PKP4: variants seen among roughly 807,000 people sequenced by gnomAD.
PKP4 encodes the protein plakophilin-4.
A neutral mutation model predicts 145.1 loss-of-function variants in PKP4; 90 were observed. The observed-to-expected ratio is 0.62, with a 90% CI of 0.52 to 0.74. PKP4 has a LOEUF of 0.74. Ranked by LOEUF, PKP4 falls within the 30% of genes least tolerant of loss-of-function variation. The probability of loss-of-function intolerance (pLI) is 0.00; values close to 1 mark genes in which losing one functional copy is unlikely to be tolerated. For synonymous variants in PKP4, 563 were observed against 577.2 expected, an observed-to-expected ratio of 0.98 and a Z score of 0.35; for missense variants, 1,340 against 1,482.7, an observed-to-expected ratio of 0.90 and a Z score of 1.58.
intron 9 of PKP4, among the ~76,000 whole-genome samples, chr2:158,638,717 A>G (rs1254121499): frequency 6.6e-6 from 1 of 152,194 alleles, no homozygotes; most frequent in African/African-American, 2.4e-5. Context: ...CAAAATGGAG[A>G]AAATGAATGG....
intron 4 of PKP4, among the ~76,000 whole-genome samples, chr2:158,616,496 G>GT (rs1333123559): frequency 0.021 from 3 of 142 alleles, no homozygotes; most frequent in Non-Finnish European, 0.056. Context: ...TCCACAAAAT[G>GT]TTGCCCTCTG....
Position 158,658,313 on chromosome 2 carries a change from A to G in PKP4, c.2092A>G (p.Arg698Gly). Reference protein sequence around the residue: ...LVLRNTTGCLRNLSSAGEEAR... With the variant: ...LVLRNTTGCLGNLSSAGEEAR... The stretch of plus-strand genomic sequence containing the variant: ...TCTGCGTAACACGACAGGTTGCCTA[A>G]GGTAAATTCTTTATTTCTTCTTTCC... Residue 698 changes from arginine to glycine, a missense_variant and splice_region_variant, in exon 12 of 22, where the codon AGG becomes GGG. By Grantham distance (125) the Arg-to-Gly change is moderately radical (BLOSUM62 -2). Transcript: ENST00000389759. The G allele has an allele frequency of 1.3e-6, 2 of 1,567,680 alleles. No homozygotes were observed. Among genetic ancestry groups the G allele is most frequent in the Non-Finnish European group, 1.7e-6 (2 of 1,149,906 alleles).
chr2:158,603,388 C>T (rs1243050182), intron 4 of PKP4, among the ~76,000 whole-genome samples: 1 of 152,098 alleles, frequency 6.6e-6, no homozygotes, highest in East Asian at 1.9e-4. Context: ...ACAGGGCTGA[C>T]TTCAAAAAAA....
chr2:158,568,786 C>G (rs2047197035), intron 2 of PKP4, among the ~76,000 whole-genome samples: 1 of 152,070 alleles, frequency 6.6e-6, no homozygotes, highest in South Asian at 2.1e-4. Context: ...CCAGCCTGGC[C>G]AACATAGTGA....
chr2:158,523,607 C>G (rs2042647270), intron 1 of PKP4, among the ~76,000 whole-genome samples: 1 of 123,806 alleles, frequency 8.1e-6, no homozygotes, highest in Non-Finnish European at 1.7e-5. Flanking sequence ...AGTTCCTCAC[C>G]AGCAACAGAA....
chr2:158,647,709 A>G (rs1488452528), intron 11 of PKP4, among the ~76,000 whole-genome samples: 1 of 152,196 alleles, frequency 6.6e-6, no homozygotes, highest in Admixed American at 6.5e-5. Flanking sequence ...AAACCTAATG[A>G]GCTTTTCTTT....
intron 1 of PKP4, among the ~76,000 whole-genome samples, chr2:158,523,765 A>G (rs900596297): frequency 5.2e-5 from 6 of 115,534 alleles, no homozygotes; most frequent in Admixed American, 2.9e-4. Context: ...AACTAGAATA[A>G]CCAATACAGA....
At chr2:158,506,068 T>G (rs748518764) in intron 1 of PKP4, among the ~76,000 whole-genome samples, 3 of 152,230 alleles carry the variant, frequency 2.0e-5, no homozygotes, top group Admixed American at 6.5e-5. Context: ...TGTGTAAATA[T>G]GAAGAAAGTA....
At chr2:158,477,919 T>C (rs1361961462) in intron 1 of PKP4, among the ~76,000 whole-genome samples, 1 of 152,192 alleles carries the variant, frequency 6.6e-6, no homozygotes, top group Admixed American at 6.5e-5. Flanking sequence ...TTCTGAGGTA[T>C]GCCAATAAAT....
Position 158,677,095 on chromosome 2 carries a change from T to TG in PKP4, c.3256+231dup, listed in dbSNP as rs2058078149. 5.6e-6 allele frequency: 3 copies of TG among 533,528 alleles called. No homozygotes were observed. In the Admixed American group the frequency reaches 8.1e-5, roughly 14 times the overall value. 33.0% of individuals were successfully genotyped at this position (533,528 alleles called of 1,614,324 possible). Reference sequence around the variant, plus strand: ...TGTATGTATGTATGTAGTTGTACGGTGGGCACAAATAAAAAGAGGGCTGTA... The same window carrying TG: ...TGTATGTATGTATGTAGTTGTACGGTGGGGCACAAATAAAAAGAGGGCTGTA... On this transcript the variant is annotated intron_variant, in intron 20 of 21. Transcript: ENST00000389759.
At chr2:158,526,710 C>G in intron 1 of PKP4, among the ~76,000 whole-genome samples, 2 of 85,470 alleles carry the variant, frequency 2.3e-5, no homozygotes, top group East Asian at 3.4e-4. Context: ...TGTTTGCAGA[C>G]GACATGATTG....
intron 4 of PKP4, among the ~76,000 whole-genome samples, chr2:158,613,649 T>A (rs1349298382): frequency 6.6e-6 from 1 of 152,138 alleles, no homozygotes; most frequent in Non-Finnish European, 1.5e-5. Flanking sequence ...ACCATCGCAT[T>A]AGGAGACAGA....
At chr2:158,641,002 T>C (rs2054233017) in intron 10 of PKP4, among the ~76,000 whole-genome samples, 1 of 152,208 alleles carries the variant, frequency 6.6e-6, no homozygotes. Flanking sequence ...ATTAGCTTAT[T>C]TATAAAACCA....
chr2:158,568,825 T>A lies in PKP4; in HGVS notation c.133-8446T>A, dbSNP rs1264236440. On this transcript the variant is annotated intron_variant, in intron 2 of 21. Coordinates refer to ENST00000389759, the MANE Select transcript of PKP4 (RefSeq NM_003628.6). ...CCCATCTCTACTAAAAATAAAAAATTAGCCAGGCTTGGTGGCACATACCTG... is the reference window on the plus strand; with the variant it reads ...CCCATCTCTACTAAAAATAAAAAATAAGCCAGGCTTGGTGGCACATACCTG... Among the ~76,000 whole-genome samples, 5 of 152,202 alleles carry A rather than the reference T, an allele frequency of 3.3e-5. No homozygotes were observed. The South Asian group carries it at 1.0e-3, about 32-fold the overall frequency.
chr2:158,613,388 A>G (rs1358668054), intron 4 of PKP4, among the ~76,000 whole-genome samples: 1 of 152,244 alleles, frequency 6.6e-6, no homozygotes, highest in Non-Finnish European at 1.5e-5. Context: ...CAAAATTAGA[A>G]AAATCACTAG....
chr2:158,637,509 CT>C (rs2053907743), intron 9 of PKP4, among the ~76,000 whole-genome samples: 1 of 152,196 alleles, frequency 6.6e-6, no homozygotes, highest in African/African-American at 2.4e-5. Flanking sequence ...ATTCTAACCA[CT>C]TTGGCACCCA....
At chr2:158,626,672 G>A (rs1330777069) in intron 7 of PKP4, among the ~76,000 whole-genome samples, 1 of 152,148 alleles carries the variant, frequency 6.6e-6, no homozygotes, top group Non-Finnish European at 1.5e-5. Flanking sequence ...CTGCACTAGT[G>A]CTGCATATTC....
intron 1 of PKP4, among the ~76,000 whole-genome samples, chr2:158,476,042 A>G (rs1692418283): frequency 1.3e-5 from 2 of 152,212 alleles, no homozygotes; most frequent in South Asian, 2.1e-4. Flanking sequence ...TTTCATTGCA[A>G]TAAAGACAAA....
intron 2 of PKP4, among the ~76,000 whole-genome samples, chr2:158,551,458 G>C (rs1375127926): frequency 6.6e-5 from 10 of 152,140 alleles, no homozygotes; most frequent in Admixed American, 6.5e-4. Flanking sequence ...ATCTCAGTTA[G>C]CATTCCCCCT....
Sources: allele counts gnomAD v4.1 joint callset (sites outside exome capture counted in the v4.1 genomes callset), GRCh38; gene constraint gnomAD v4.1.1; transcripts MANE v1.5; gene names NCBI Gene and HGNC (gene_info 2026-07-23, HGNC 2026-07-21).